The following PCNX2 variants were observed in gnomAD, a reference collection of about 807,000 sequenced individuals.
PCNX2 encodes pecanex-like protein 2.
In PCNX2, 168 loss-of-function variants were observed where a neutral mutation model predicts 223.8. That is an observed-to-expected ratio of 0.75 (90% CI 0.66 to 0.85). The LOEUF (loss-of-function observed/expected upper bound fraction) is 0.85, where lower values mean the gene tolerates loss of function less well. Among genes scored for constraint, PCNX2 ranks in the 40% least tolerant of loss-of-function variants. The pLI is 0.00. For missense variants in PCNX2, 2,507 were observed against 2,675.5 expected (o/e 0.94, Z 1.39); for synonymous variants, 1,006 against 1,052.6 (o/e 0.96, Z 0.86).
chr1:233,309,570 T>G, the PCNX2 span, among the ~76,000 whole-genome samples: 5 of 143,960 alleles, frequency 3.5e-5, no homozygotes, highest in Non-Finnish European at 7.6e-5. Context: ...ATAATAAAAT[T>G]AAAAAATATA....
At chr1:233,042,438 G>T (rs1671674615) in intron 25 of PCNX2, among the ~76,000 whole-genome samples, 1 of 152,152 alleles carries the variant, frequency 6.6e-6, no homozygotes, top group South Asian at 2.1e-4. Context: ...AAGGCACACT[G>T]GCCTTTCTTG....
chr1:232,989,517 A>G (rs994997516), intron 32 of PCNX2, among the ~76,000 whole-genome samples: 2 of 151,676 alleles, frequency 1.3e-5, no homozygotes, highest in Non-Finnish European at 2.9e-5. Context: ...CCCTTCCCAG[A>G]GAGGCAGGTC....
chr1:232,996,760 G>T (rs1203432582), intron 32 of PCNX2, among the ~76,000 whole-genome samples: 2 of 152,148 alleles, frequency 1.3e-5, no homozygotes, highest in Non-Finnish European at 1.5e-5. Flanking sequence ...TGCTTGCAGA[G>T]AAATTCCTTG....
intron 19 of PCNX2, among the ~76,000 whole-genome samples, chr1:233,157,468 G>C (rs1678197685): frequency 2.6e-5 from 4 of 152,206 alleles, no homozygotes; most frequent in Non-Finnish European, 5.9e-5. Flanking sequence ...CTAGGACTCT[G>C]TTCTTGGTTA....
intron 23 of PCNX2, among the ~76,000 whole-genome samples, chr1:233,060,211 C>A (rs4649432): frequency 1 from 152,354 of 152,354 alleles, 76,177 homozygotes; most frequent in Non-Finnish European, 1. Flanking sequence ...AATCCAGCAA[C>A]CAACAAAATT....
In PCNX2 at chr1:233,095,712, G is replaced by A. The variant is rs1382689318; in HGVS notation, c.3946+43C>T. On this transcript the variant is annotated intron_variant, in intron 22 of 33. Coordinates refer to ENST00000258229, the MANE Select transcript of PCNX2 (RefSeq NM_014801.4). The stretch of plus-strand genomic sequence containing the variant: ...AATGAAAAGCTTGCTTCCGTAAAAT[G>A]TGAATCTCAGCTGGAGGGTGAAAAT... The A allele has an allele frequency of 2.7e-6, 4 of 1,478,386 alleles. No homozygotes were observed. The South Asian group carries it at 3.6e-5, about 13-fold the overall frequency. The allele number at this position is 1,478,386 out of a possible 1,614,324, so 91.6% of individuals were successfully genotyped here. A position where few individuals can be genotyped will look rare whatever the true frequency, so the allele number is the denominator to read the frequency against.
chr1:233,202,294 A>G (rs1035556928), intron 13 of PCNX2: 3 of 409,034 alleles, frequency 7.3e-6, no homozygotes, highest in East Asian at 8.1e-5. Flanking sequence ...GAGTGGGCCT[A>G]TAATTTCCTC....
chr1:233,133,010 T>C (rs1676595916), intron 21 of PCNX2, among the ~76,000 whole-genome samples: 1 of 150,080 alleles, frequency 6.7e-6, no homozygotes, highest in South Asian at 2.1e-4. Context: ...GCAATTCCCC[T>C]GCCTCAGCCT....
At chr1:233,313,447 A>G in the PCNX2 span, among the ~76,000 whole-genome samples, 2 of 152,212 alleles carry the variant, frequency 1.3e-5, no homozygotes, top group Non-Finnish European at 2.9e-5. Flanking sequence ...AAGAAAACCT[A>G]TGGAAAATAA....
the PCNX2 span, among the ~76,000 whole-genome samples, chr1:233,323,264 C>A: frequency 6.6e-6 from 1 of 152,208 alleles, no homozygotes; most frequent in East Asian, 1.9e-4. Flanking sequence ...CTGCCTCATA[C>A]CCCACTGGGG....
intron 19 of PCNX2, among the ~76,000 whole-genome samples, chr1:233,150,014 A>AC (rs374360579): frequency 1.1e-4 from 16 of 150,882 alleles, no homozygotes; most frequent in African/African-American, 3.7e-4. Context: ...CTCCCTCCCA[A>AC]CCCCCTATGT....
chr1:233,208,722 T>C, intron 12 of PCNX2, 33 bp from the exon 13 acceptor site: 1 of 1,575,682 alleles, frequency 6.3e-7, no homozygotes, highest in Non-Finnish European at 8.6e-7. Flanking sequence ...GAATGGTACC[T>C]CTTATTTTGA....
intron 9 of PCNX2, chr1:233,232,888 C>T (rs1281159004): frequency 2.0e-6 from 2 of 982,906 alleles, no homozygotes; most frequent in East Asian, 2.3e-4. Context: ...AATAATAATG[C>T]CACTATCATA....
rs1662007896 is a variant in PCNX2 at position 233,295,213 on chromosome 1, T to C, written c.153+113A>G. 6.9e-6 allele frequency: 10 copies of C among 1,450,440 alleles called. No individual in the cohort carries two copies. The highest frequency in any genetic ancestry group is 9.4e-6 in the Non-Finnish European group (10 of 1,065,680). The allele number at this position is 1,450,440 out of a possible 1,614,324, so 89.8% of individuals were successfully genotyped here. On this transcript the variant is annotated intron_variant, in intron 1 of 33. Coordinates refer to ENST00000258229, the MANE Select transcript of PCNX2 (RefSeq NM_014801.4). The surrounding 1 kb of genome is among the most constrained non-coding windows in gnomAD (Gnocchi z 4.1). ...TCTGAAGCCCCTCCCTTTCCGTCTC[T>C]TAAGAATCTCTACGAACCCGAAAGC...
rs76253700 is a variant in PCNX2, at chr1:233,122,920, G to A, written c.3837+12093C>T. ...TAATATAAATACGAGGAAAGCATCA[G>A]ACAAATCCCAGTTGAGGGACAGTCT... On this transcript the variant is annotated intron_variant, in intron 21 of 33. Transcript: ENST00000258229. 1.2e-3 allele frequency among the ~76,000 whole-genome samples: 189 copies of A among 152,302 alleles called. 3 individuals carry two copies. The East Asian group carries it at 0.015, about 12-fold the overall frequency.
the PCNX2 span, among the ~76,000 whole-genome samples, chr1:233,312,189 T>C: frequency 3.3e-5 from 5 of 151,916 alleles, no homozygotes; most frequent in Non-Finnish European, 4.4e-5. Flanking sequence ...AACAATAAAA[T>C]AGATAAATTA....
At chr1:233,261,194 C>A in intron 4 of PCNX2, 91 bp downstream of exon 4, 1 of 1,206,452 alleles carries the variant, frequency 8.3e-7, no homozygotes. Flanking sequence ...TTCTTATTTT[C>A]AATTAATCCA....
At chr1:233,206,550 GA>G (rs35998585) in intron 13 of PCNX2, among the ~76,000 whole-genome samples, 262 of 151,696 alleles carry the variant, frequency 1.7e-3, no homozygotes, top group Non-Finnish European at 2.4e-3. Flanking sequence ...TGATAGGACT[GA>G]AAAAAAAGTA....
At chr1:233,296,848 G>A (rs1246296190), upstream of PCNX2, among the ~76,000 whole-genome samples, 1 of 152,198 alleles carries the variant, frequency 6.6e-6, no homozygotes, top group Non-Finnish European at 1.5e-5. Context: ...AGCCTTCCCA[G>A]GCTGAAACGA....
Sources: allele counts gnomAD v4.1 joint callset (sites outside exome capture counted in the v4.1 genomes callset), GRCh38; gene constraint gnomAD v4.1.1; non-coding constraint Gnocchi (gnomAD v3.1); transcripts MANE v1.5; gene names NCBI Gene and HGNC (gene_info 2026-07-23, HGNC 2026-07-21).